The following SGMS1 variants were observed in gnomAD, a reference collection of about 807,000 sequenced individuals.
SGMS1 encodes the protein sphingomyelin synthase 1.
SGMS1 carries 13 observed loss-of-function variants against 46.2 expected under a neutral mutation model. The ratio of observed to expected loss-of-function variants is 0.28; its 90% CI spans 0.18 to 0.45. The LOEUF is 0.45. SGMS1 is among the 20% of genes least tolerant of loss of function. The pLI, the probability that SGMS1 is intolerant of heterozygous loss-of-function variation, is 1.00. For missense variants in SGMS1, 324 were observed against 519.9 expected, an observed-to-expected ratio of 0.62 and a Z score of 3.66; for synonymous variants, 203 against 187.8, an observed-to-expected ratio of 1.08 and a Z score of -0.66.
At chr10:50,447,821 T>C (rs1287901825) in intron 5 of SGMS1, among the ~76,000 whole-genome samples, 1 of 152,104 alleles carries the variant, frequency 6.6e-6, no homozygotes, top group Non-Finnish European at 1.5e-5. Context: ...TTTACTGGAG[T>C]CATCATGAAG....
intron 8 of SGMS1, among the ~76,000 whole-genome samples, chr10:50,318,446 C>T (rs1007798583): frequency 6.6e-6 from 1 of 152,168 alleles, no homozygotes; most frequent in Non-Finnish European, 1.5e-5. Context: ...AAGTGTTATA[C>T]AAATTTCAGG....
intron 6 of SGMS1, among the ~76,000 whole-genome samples, 169 bp downstream of exon 6, chr10:50,433,306 AT>A (rs1251250931): frequency 1.3e-5 from 2 of 152,214 alleles, no homozygotes; most frequent in Non-Finnish European, 2.9e-5. Context: ...GCAAAATAAG[AT>A]TTATCAAAGT....
chr10:50,583,271 A>C (rs1437538711), intron 2 of SGMS1, among the ~76,000 whole-genome samples: 1 of 152,204 alleles, frequency 6.6e-6, no homozygotes, highest in Non-Finnish European at 1.5e-5. Flanking sequence ...ACAAGAATAC[A>C]TCTGAAAATG....
chr10:50,426,534 T>G (rs946839397), intron 6 of SGMS1, among the ~76,000 whole-genome samples: 1 of 152,238 alleles, frequency 6.6e-6, no homozygotes, highest in Non-Finnish European at 1.5e-5. Flanking sequence ...TCACCTTCCC[T>G]TGTCTAACTG....
intron 1 of SGMS1, among the ~76,000 whole-genome samples, chr10:50,617,390 A>G (rs1838808214): frequency 6.6e-6 from 1 of 152,216 alleles, no homozygotes; most frequent in South Asian, 2.1e-4. Flanking sequence ...CAGTGACAGC[A>G]TATCAGTGGT....
chr10:50,480,647 C>G (rs1372942792), intron 3 of SGMS1, among the ~76,000 whole-genome samples: 1 of 152,022 alleles, frequency 6.6e-6, no homozygotes, highest in Non-Finnish European at 1.5e-5. Flanking sequence ...TGGAGATACC[C>G]TCGTGAGCCC....
At chr10:50,372,095 G>A (rs2133447251) in intron 6 of SGMS1, among the ~76,000 whole-genome samples, 1 of 152,266 alleles carries the variant, frequency 6.6e-6, no homozygotes, top group Non-Finnish European at 1.5e-5. Context: ...GCTCCATAAG[G>A]GAAGGTCCCT....
At chr10:50,326,024 G>A (rs1847525381) in intron 8 of SGMS1, among the ~76,000 whole-genome samples, 1 of 152,080 alleles carries the variant, frequency 6.6e-6, no homozygotes, top group East Asian at 1.9e-4. Flanking sequence ...TTCTTTGGAA[G>A]GGCGAAAGAA....
intron 8 of SGMS1, among the ~76,000 whole-genome samples, chr10:50,322,838 C>CA (rs58049533): frequency 0.1 from 5,198 of 50,762 alleles, 622 homozygotes; most frequent in East Asian, 0.32. Flanking sequence ...GACTCCGTCT[C>CA]AAAAAAAAAA....
intron 5 of SGMS1, among the ~76,000 whole-genome samples, chr10:50,447,937 C>T (rs961708638): frequency 6.6e-6 from 1 of 152,158 alleles, no homozygotes; most frequent in Non-Finnish European, 1.5e-5. Context: ...CCTTCACCCC[C>T]AAATTCCACA....
chr10:50,615,219 C>G (rs1838785715), intron 1 of SGMS1, among the ~76,000 whole-genome samples: 1 of 152,156 alleles, frequency 6.6e-6, no homozygotes, highest in Non-Finnish European at 1.5e-5. Context: ...AAAAGCCATT[C>G]TATAAATTTG....
At chr10:50,529,366 C>CCA (rs1564425023) in intron 2 of SGMS1, among the ~76,000 whole-genome samples, 1 of 152,172 alleles carries the variant, frequency 6.6e-6, no homozygotes, top group Non-Finnish European at 1.5e-5. Context: ...ATTTTGGAGA[C>CCA]CACTGTATCC....
chr10:50,531,333 A>T (rs1454089464), intron 2 of SGMS1, among the ~76,000 whole-genome samples: 1 of 152,208 alleles, frequency 6.6e-6, no homozygotes, highest in African/African-American at 2.4e-5. Context: ...AATAGTAAAA[A>T]GCTATTCTAT....
At chr10:50,321,957 T>C (rs1393257937) in intron 8 of SGMS1, among the ~76,000 whole-genome samples, 1 of 152,228 alleles carries the variant, frequency 6.6e-6, no homozygotes, top group Non-Finnish European at 1.5e-5. Context: ...ATCTTTCTAA[T>C]CTGTGCATTG....
At chr10:50,433,943 G>C (rs541336155) in intron 5 of SGMS1, among the ~76,000 whole-genome samples, 1 of 152,230 alleles carries the variant, frequency 6.6e-6, no homozygotes, top group Non-Finnish European at 1.5e-5. Flanking sequence ...TGCCTGGAAG[G>C]ACTAAACGAG....
At chr10:50,620,246 G>A in intron 1 of SGMS1, among the ~76,000 whole-genome samples, 1 of 152,212 alleles carries the variant, frequency 6.6e-6, no homozygotes, top group Non-Finnish European at 1.5e-5. Context: ...TTGTGACTGG[G>A]TAGCTTAATG....
At chr10:50,393,206 G>T (rs1848800631) in intron 6 of SGMS1, among the ~76,000 whole-genome samples, 1 of 151,984 alleles carries the variant, frequency 6.6e-6, no homozygotes, top group South Asian at 2.1e-4. Context: ...GAACAAAGTG[G>T]GACCTAACCC....
chr10:50,491,786 G>T (rs981670256), intron 3 of SGMS1, among the ~76,000 whole-genome samples: 4 of 152,116 alleles, frequency 2.6e-5, no homozygotes, highest in Non-Finnish European at 5.9e-5. Flanking sequence ...CCCCAAAACT[G>T]ATGGGGAGGT....
intron 7 of SGMS1, among the ~76,000 whole-genome samples, chr10:50,341,877 T>C (rs1158683076): frequency 6.6e-6 from 1 of 152,164 alleles, no homozygotes; most frequent in Non-Finnish European, 1.5e-5. Context: ...TTTAAGAAAA[T>C]TAGTTTTATG....
Sources: gnomAD v4.1 joint callset for allele counts (sites outside exome capture counted in the v4.1 genomes callset) on GRCh38, gnomAD v4.1.1 for gene constraint, MANE v1.5 for transcripts, NCBI Gene and HGNC (gene_info 2026-07-23, HGNC 2026-07-21) for gene names.